ADARB2: variants seen among roughly 807,000 people sequenced by gnomAD.
The protein encoded by ADARB2 is adenosine deaminase RNA specific B2 (inactive).
A neutral mutation model predicts 62.2 loss-of-function variants in ADARB2; 25 were observed. The ratio of observed to expected loss-of-function variants is 0.40; its 90% CI spans 0.29 to 0.56. The LOEUF (loss-of-function observed/expected upper bound fraction) is 0.56, where lower values mean the gene tolerates loss of function less well. ADARB2 is among the 20% of genes least tolerant of loss of function. ADARB2 has a pLI of 0.43. For missense variants in ADARB2, 1,071 were observed against 1,077.4 expected (o/e 0.99, Z 0.08); for synonymous variants, 572 against 500.8 (o/e 1.14, Z -1.90).
At chr10:1,539,956 T>G (rs1382101556) in intron 1 of ADARB2, among the ~76,000 whole-genome samples, 3 of 152,176 alleles carry the variant, frequency 2.0e-5, no homozygotes, top group African/African-American at 7.2e-5. Context: ...TTGAAAGCAG[T>G]GATAATTTTT....
chr10:1,528,707 T>G lies in ADARB2; in HGVS notation c.101-149547A>C, dbSNP rs558799573. 3.3e-5 allele frequency among the ~76,000 whole-genome samples: 5 copies of G among 152,304 alleles called. No homozygotes were observed. In the East Asian group the frequency reaches 9.7e-4, roughly 29 times the overall value. ...GCCCTTTCCTGGACAGGTGATGCCCTTTGTAGTGAAAACAGTTAGATGCTG... is the reference window on the plus strand; with the variant it reads ...GCCCTTTCCTGGACAGGTGATGCCCGTTGTAGTGAAAACAGTTAGATGCTG... On this transcript the variant is annotated intron_variant, in intron 1 of 9. Coordinates refer to ENST00000381312, the MANE Select transcript of ADARB2 (RefSeq NM_018702.4).
intron 3 of ADARB2, among the ~76,000 whole-genome samples, chr10:1,289,580 C>A (rs1024894564): frequency 1.3e-5 from 2 of 152,246 alleles, no homozygotes; most frequent in African/African-American, 4.8e-5. Flanking sequence ...GACGGGCAGA[C>A]CCATCCCACT....
At chr10:1,227,075 G>A (rs1022457628) in intron 6 of ADARB2, among the ~76,000 whole-genome samples, 6 of 152,238 alleles carry the variant, frequency 3.9e-5, no homozygotes, top group Non-Finnish European at 7.3e-5. Context: ...AGGCTGCTTT[G>A]TTTATCTAAT....
chr10:1,534,042 G>GGAGAGA (rs143736259), intron 1 of ADARB2, among the ~76,000 whole-genome samples: 3 of 148,118 alleles, frequency 2.0e-5, no homozygotes, highest in African/African-American at 7.5e-5. Context: ...AGGGAGGGAG[G>GGAGAGA]GAGAGAGAGA....
chr10:1,277,484 A>G (rs2131802941), intron 3 of ADARB2, among the ~76,000 whole-genome samples: 1 of 152,354 alleles, frequency 6.6e-6, no homozygotes, highest in African/African-American at 2.4e-5. Flanking sequence ...ACCTCTACGC[A>G]AATAAACTAG....
At chr10:1,464,698 C>T (rs1482494241) in intron 1 of ADARB2, among the ~76,000 whole-genome samples, 5 of 99,056 alleles carry the variant, frequency 5.0e-5, no homozygotes, top group African/African-American at 1.5e-4. Context: ...GCAGTCACAG[C>T]GGGCAGTGCA....
At chr10:1,305,137 A>G (rs1253022069) in intron 3 of ADARB2, among the ~76,000 whole-genome samples, 2 of 145,298 alleles carry the variant, frequency 1.4e-5, no homozygotes, top group South Asian at 4.9e-4. Flanking sequence ...AGGATCAACA[A>G]AATTGATAGA....
At chr10:1,716,846 C>T (rs1835021954) in intron 1 of ADARB2, among the ~76,000 whole-genome samples, 2 of 152,040 alleles carry the variant, frequency 1.3e-5, no homozygotes, top group Non-Finnish European at 1.5e-5. Flanking sequence ...TAGAGAAGAT[C>T]TACAAGAAAA....
chr10:1,191,104 C>T (rs373346424), intron 8 of ADARB2, among the ~76,000 whole-genome samples: 2 of 151,334 alleles, frequency 1.3e-5, no homozygotes, highest in Non-Finnish European at 3.0e-5. Flanking sequence ...CCCCACACTC[C>T]GCAGAATGGG....
At chr10:1,701,763 GTCAA>G (rs1373876390) in intron 1 of ADARB2, among the ~76,000 whole-genome samples, 3 of 39,034 alleles carry the variant, frequency 7.7e-5, no homozygotes, top group Non-Finnish European at 1.6e-4. Context: ...CCAGGCGCTA[GTCAA>G]TACACGCAAT....
At chr10:1,500,469 A>G (rs1351570675) in intron 1 of ADARB2, among the ~76,000 whole-genome samples, 2 of 152,238 alleles carry the variant, frequency 1.3e-5, no homozygotes, top group African/African-American at 4.8e-5. Flanking sequence ...AACAGTGGCA[A>G]TTCCCAAATG....
chr10:1,333,471 A>T (rs1264373465), intron 3 of ADARB2, among the ~76,000 whole-genome samples: 4 of 152,180 alleles, frequency 2.6e-5, no homozygotes, highest in Admixed American at 6.5e-5. Flanking sequence ...CCACCACATG[A>T]AACTGCCTCT....
intron 1 of ADARB2, among the ~76,000 whole-genome samples, chr10:1,591,608 G>T (rs914389796): frequency 1.3e-5 from 2 of 151,756 alleles, no homozygotes; most frequent in African/African-American, 4.8e-5. Flanking sequence ...ACATTAAATG[G>T]ATCTCTAGTT....
intron 1 of ADARB2, among the ~76,000 whole-genome samples, chr10:1,566,063 CAAAAAAAAA>C (rs376967105): frequency 0.015 from 1,966 of 127,704 alleles, 46 homozygotes; most frequent in African/African-American, 0.022. Flanking sequence ...CTCAGTCTAG[CAAAAAAAAA>C]AAAAAAAAAA....
At chr10:1,295,954 A>C (rs935072068) in intron 3 of ADARB2, among the ~76,000 whole-genome samples, 1 of 152,052 alleles carries the variant, frequency 6.6e-6, no homozygotes, top group Admixed American at 6.6e-5. Context: ...TTTGCTCCTC[A>C]CTCAGGAGCC....
At chr10:1,300,310 G>A (rs887273788) in intron 3 of ADARB2, among the ~76,000 whole-genome samples, 15 of 152,118 alleles carry the variant, frequency 9.9e-5, no homozygotes, top group African/African-American at 3.6e-4. Context: ...CAGCAGGGAT[G>A]GTTCTTCCAC....
chr10:1,539,140 C>G (rs925582098), intron 1 of ADARB2, among the ~76,000 whole-genome samples: 3 of 152,198 alleles, frequency 2.0e-5, no homozygotes, highest in African/African-American at 7.2e-5. Flanking sequence ...AACAGAAACT[C>G]CAGGGGCAGC....
chr10:1,343,814 G>T (rs372815039), intron 3 of ADARB2, among the ~76,000 whole-genome samples: 10 of 152,264 alleles, frequency 6.6e-5, no homozygotes, highest in African/African-American at 2.4e-4. Context: ...ATGTGGGAGC[G>T]AAACACTGGG....
chr10:1,272,716 G>A (rs1831274731), intron 3 of ADARB2, among the ~76,000 whole-genome samples: 1 of 152,258 alleles, frequency 6.6e-6, no homozygotes, highest in Non-Finnish European at 1.5e-5. Context: ...CCCAGTCCAG[G>A]CTGCTCCCAG....
Sources: gnomAD v4.1 joint callset for allele counts (sites outside exome capture counted in the v4.1 genomes callset) on GRCh38, gnomAD v4.1.1 for gene constraint, MANE v1.5 for transcripts, NCBI Gene and HGNC (gene_info 2026-07-23, HGNC 2026-07-21) for gene names.